Variants in SLC25A21 observed in about 807,000 individuals in gnomAD.
SLC25A21 encodes the protein mitochondrial 2-oxodicarboxylate carrier.
Under a neutral mutation model 43.8 loss-of-function variants are expected in SLC25A21, and 47 were observed. The ratio of observed to expected loss-of-function variants is 1.07; its 90% CI spans 0.85 to 1.37. The LOEUF is 1.37. Among genes scored for constraint, SLC25A21 ranks in the 40% most tolerant of loss-of-function variants. The pLI, the probability that SLC25A21 is intolerant of heterozygous loss-of-function variation, is 0.00. For synonymous variants in SLC25A21, 131 were observed against 121.3 expected, an observed-to-expected ratio of 1.08 and a Z score of -0.52; for missense variants, 352 against 350.2, an observed-to-expected ratio of 1.00 and a Z score of -0.04.
At chr14:36,705,862 A>G (rs1242575775) in intron 7 of SLC25A21, among the ~76,000 whole-genome samples, 1 of 152,230 alleles carries the variant, frequency 6.6e-6, no homozygotes, top group Non-Finnish European at 1.5e-5. Context: ...CAAATTGTCC[A>G]AAGTGAATGG....
chr14:36,786,772 T>A (rs1323116707), intron 3 of SLC25A21, among the ~76,000 whole-genome samples: 1 of 151,990 alleles, frequency 6.6e-6, no homozygotes, highest in Non-Finnish European at 1.5e-5. Context: ...AAATATGGCA[T>A]GAAAATGGGG....
intron 1 of SLC25A21, among the ~76,000 whole-genome samples, chr14:36,887,439 T>G (rs558928794): frequency 6.6e-6 from 1 of 151,952 alleles, no homozygotes; most frequent in South Asian, 2.1e-4. Flanking sequence ...GGTGCACACC[T>G]GTAATCCTAG....
chr14:36,961,416 G>A (rs1035347699), intron 1 of SLC25A21, among the ~76,000 whole-genome samples: 3 of 152,000 alleles, frequency 2.0e-5, no homozygotes, highest in African/African-American at 4.8e-5. Context: ...TTTCACCGCC[G>A]TACGTGTTTT....
chr14:36,887,562 C>CGAA (rs1566711155), intron 1 of SLC25A21, among the ~76,000 whole-genome samples: 16 of 141,862 alleles, frequency 1.1e-4, no homozygotes, highest in Admixed American at 1.4e-4. Flanking sequence ...GACTCCATTG[C>CGAA]AAAAAAAAAA....
At chr14:36,697,456 G>A (rs544855873) in intron 7 of SLC25A21, among the ~76,000 whole-genome samples, 1 of 152,124 alleles carries the variant, frequency 6.6e-6, no homozygotes, top group Non-Finnish European at 1.5e-5. Flanking sequence ...TTCAGGTCCT[G>A]GATATGCTTG....
At chr14:36,948,203 G>A (rs1393148291) in intron 1 of SLC25A21, among the ~76,000 whole-genome samples, 1 of 152,142 alleles carries the variant, frequency 6.6e-6, no homozygotes, top group Non-Finnish European at 1.5e-5. Context: ...ATACCTAGGT[G>A]TGCAGACTAT....
chr14:37,138,979 T>C (rs767437781), intron 1 of SLC25A21, among the ~76,000 whole-genome samples: 6 of 152,092 alleles, frequency 3.9e-5, no homozygotes, highest in Non-Finnish European at 7.4e-5. Context: ...AAAAACAATA[T>C]TTTCATTTGT....
At chr14:37,055,729 T>C (rs780584761) in intron 1 of SLC25A21, among the ~76,000 whole-genome samples, 4 of 152,174 alleles carry the variant, frequency 2.6e-5, no homozygotes, top group Non-Finnish European at 5.9e-5. Context: ...GAATTGTAAA[T>C]TGGAGACACA....
chr14:37,047,398 T>C (rs1961609284), intron 1 of SLC25A21, among the ~76,000 whole-genome samples: 2 of 151,902 alleles, frequency 1.3e-5, no homozygotes, highest in African/African-American at 2.4e-5. Flanking sequence ...CAGACCAAAG[T>C]TGGAAGTATG....
At chr14:37,000,324 G>A (rs72667363) in intron 1 of SLC25A21, among the ~76,000 whole-genome samples, 14,662 of 151,966 alleles carry the variant, frequency 0.096, 741 homozygotes, top group Admixed American at 0.12. Context: ...ATATTCCCCC[G>A]TTTTCTCTCA....
In SLC25A21 at chr14:37,101,278, T is replaced by C. The variant is rs902187544; in HGVS notation, c.70+71003A>G. Among the ~76,000 whole-genome samples the C allele has an allele frequency of 9.2e-5, 14 of 152,370 alleles. No individual in the cohort carries two copies. The East Asian group carries it at 2.5e-3, about 27-fold the overall frequency. The stretch of plus-strand genomic sequence containing the variant: ...TATATTTTTATTCATATTTTTCTTT[T>C]TTCTTCTTCTAAGTCAGTTTATGTG... On this transcript the variant is annotated intron_variant, in intron 1 of 9. Transcript: ENST00000331299.
At chr14:36,688,753 G>C (rs937853032) in intron 7 of SLC25A21, among the ~76,000 whole-genome samples, 8 of 152,238 alleles carry the variant, frequency 5.3e-5, no homozygotes, top group Non-Finnish European at 1.2e-4. Context: ...TACATATTTT[G>C]TGCCAGATAC....
intron 3 of SLC25A21, among the ~76,000 whole-genome samples, chr14:36,813,439 A>G (rs775141815): frequency 6.6e-6 from 1 of 151,714 alleles, no homozygotes; most frequent in African/African-American, 2.4e-5. Flanking sequence ...AACTCACTGC[A>G]ACTTCCACCT....
chr14:37,099,004 T>C (rs1962764342), intron 1 of SLC25A21, among the ~76,000 whole-genome samples: 1 of 151,988 alleles, frequency 6.6e-6, no homozygotes, highest in African/African-American at 2.4e-5. Flanking sequence ...GGTTTCACCA[T>C]GTTGACCAGG....
chr14:36,897,873 C>T (rs1485798974), intron 1 of SLC25A21, among the ~76,000 whole-genome samples: 1 of 152,170 alleles, frequency 6.6e-6, no homozygotes, highest in Non-Finnish European at 1.5e-5. Context: ...GCAAATGTTG[C>T]TGCCTGATCG....
chr14:37,102,204 G>C (rs1962829032), intron 1 of SLC25A21, among the ~76,000 whole-genome samples: 1 of 152,156 alleles, frequency 6.6e-6, no homozygotes, highest in Non-Finnish European at 1.5e-5. Flanking sequence ...ACTTTGGAAA[G>C]CTGAGGCAGG....
chr14:36,894,476 C>A (rs1260607899), intron 1 of SLC25A21, among the ~76,000 whole-genome samples: 2 of 152,118 alleles, frequency 1.3e-5, no homozygotes, highest in Non-Finnish European at 2.9e-5. Context: ...ACAATCATGT[C>A]ATCTGCAAAC....
At chr14:36,811,557 C>G (rs1445941272) in intron 3 of SLC25A21, among the ~76,000 whole-genome samples, 1 of 152,046 alleles carries the variant, frequency 6.6e-6, no homozygotes, top group Admixed American at 6.6e-5. Context: ...GAGGCTAAGG[C>G]AGGAGAATTG....
chr14:36,773,013 T>A (rs1886679953), intron 3 of SLC25A21, among the ~76,000 whole-genome samples: 1 of 152,214 alleles, frequency 6.6e-6, no homozygotes, highest in African/African-American at 2.4e-5. Flanking sequence ...ATTGGGAGAT[T>A]GCTGAACACC....
Sources: allele counts gnomAD v4.1 joint callset (sites outside exome capture counted in the v4.1 genomes callset), GRCh38; gene constraint gnomAD v4.1.1; transcripts MANE v1.5; gene names NCBI Gene and HGNC (gene_info 2026-07-23, HGNC 2026-07-21).